ELMOD1: variants seen among roughly 807,000 people sequenced by gnomAD.
ELMOD1 encodes ELMO domain containing 1, also known as ELMO domain-containing protein 1.
Under a neutral mutation model 46.7 loss-of-function variants are expected in ELMOD1, and 21 were observed. The ratio of observed to expected loss-of-function variants is 0.45; its 90% confidence interval spans 0.32 to 0.65. The LOEUF is 0.65. Ranked by LOEUF, ELMOD1 falls within the 30% of genes least tolerant of loss-of-function variation. The probability of loss-of-function intolerance (pLI) is 0.04; values close to 1 mark genes in which losing one functional copy is unlikely to be tolerated. For missense variants in ELMOD1, 348 were observed against 407.8 expected (o/e 0.85, Z 1.26); for synonymous variants, 122 against 138.2 (o/e 0.88, Z 0.82).
At chr11:107,658,436 C>T (rs573814832) in intron 11 of ELMOD1, among the ~76,000 whole-genome samples, 26 of 152,220 alleles carry the variant, frequency 1.7e-4, no homozygotes, top group Admixed American at 4.6e-4. Context: ...TATATTCACT[C>T]CTATAAAAAT....
intron 1 of ELMOD1, chr11:107,591,999 C>T (rs1270239757): frequency 3.9e-6 from 2 of 513,252 alleles, no homozygotes; most frequent in South Asian, 1.5e-5. Flanking sequence ...CTTTCCCGGG[C>T]AGGTAGAATT....
chr11:107,656,107 G>A (rs370781800), intron 11 of ELMOD1, 41 bp downstream of exon 11: 74 of 1,545,340 alleles, frequency 4.8e-5, no homozygotes, highest in Admixed American at 7.9e-5. Context: ...AGGTTTCTAC[G>A]CTGGGCACGG....
intron 11 of ELMOD1, among the ~76,000 whole-genome samples, chr11:107,660,594 C>T (rs524611): frequency 0.24 from 36,725 of 152,164 alleles, 8,938 homozygotes; most frequent in African/African-American, 0.62. Flanking sequence ...AGCCTATTGC[C>T]GTGGTGAAAA....
At chr11:107,618,028 T>A in intron 1 of ELMOD1, 77 bp from the exon 2 acceptor site, 1 of 722,728 alleles carries the variant, frequency 1.4e-6, no homozygotes, top group South Asian at 1.7e-5. Context: ...ACTGCTTGCC[T>A]CAGTAAGCAG....
intron 5 of ELMOD1, among the ~76,000 whole-genome samples, chr11:107,633,163 G>A (rs11828020): frequency 0.019 from 2,957 of 152,212 alleles, 88 homozygotes; most frequent in African/African-American, 0.065. Context: ...CTGGTCCCAA[G>A]CATGTCAGAT....
intron 1 of ELMOD1, among the ~76,000 whole-genome samples, chr11:107,602,519 C>A (rs1035678844): frequency 6.6e-6 from 1 of 152,082 alleles, no homozygotes; most frequent in African/African-American, 2.4e-5. Context: ...GGCAGATTCC[C>A]TCAAATTTGA....
rs1866829253 is a variant in ELMOD1 at position 107,665,649 on chromosome 11, A to G, written c.*452A>G. Reference sequence around the variant, plus strand: ...GTTCATGCTTGGACCTCATTCTGATAAAGTATAAGACTTTAAAATAATACA... The same window carrying G: ...GTTCATGCTTGGACCTCATTCTGATGAAGTATAAGACTTTAAAATAATACA... On this transcript the variant is annotated 3_prime_UTR_variant, in exon 12 of 12. Transcript: ENST00000265840. 1 of 157,324 alleles carries G rather than the reference A, an allele frequency of 6.4e-6. No individual in the cohort carries two copies. Among genetic ancestry groups the G allele is most frequent in the African/African-American group, 2.4e-5 (1 of 41,456 alleles). 9.7% of individuals were successfully genotyped at this position (157,324 alleles called of 1,614,324 possible).
intron 6 of ELMOD1, among the ~76,000 whole-genome samples, chr11:107,640,383 C>T (rs918514277): frequency 5.3e-5 from 8 of 152,116 alleles, no homozygotes; most frequent in East Asian, 1.9e-4. Context: ...TGCATAATTT[C>T]GAAGTCAACA....
At chr11:107,633,053 G>A (rs1383406911) in intron 5 of ELMOD1, among the ~76,000 whole-genome samples, 1 of 152,152 alleles carries the variant, frequency 6.6e-6, no homozygotes, top group African/African-American at 2.4e-5. Context: ...ATGTGTATAA[G>A]TTGTATATGA....
At position 107,609,951 on chromosome 11, in the gene ELMOD1, T is replaced by C. The variant is rs944248513; in HGVS notation, c.-85-8154T>C. 2.6e-5 allele frequency among the ~76,000 whole-genome samples: 4 copies of C among 152,304 alleles called. No individual in the cohort carries two copies. The East Asian group carries it at 5.8e-4, about 22-fold the overall frequency. On this transcript the variant is annotated intron_variant, in intron 1 of 11. Coordinates refer to ENST00000265840, the MANE Select transcript of ELMOD1 (RefSeq NM_018712.4). ...ATCTACAGATTTGTTTTCTTCCAAT[T>C]GGGAGATTTGCAGTTTGTTTTATTA...
chr11:107,648,933 C>T (rs1419052880), intron 7 of ELMOD1, among the ~76,000 whole-genome samples: 1 of 151,878 alleles, frequency 6.6e-6, no homozygotes, highest in Non-Finnish European at 1.5e-5. Context: ...TTCTTGTGTC[C>T]TTTGACACTA....
intron 6 of ELMOD1, 84 bp from the exon 7 acceptor site, chr11:107,647,384 C>T (rs1355068527): frequency 2.3e-6 from 3 of 1,315,894 alleles, no homozygotes; most frequent in Non-Finnish European, 3.1e-6. Flanking sequence ...CTTTGCAAAG[C>T]TCCTCCTAAT....
chr11:107,641,935 T>C (rs1316194121), intron 6 of ELMOD1, among the ~76,000 whole-genome samples: 1 of 146,050 alleles, frequency 6.8e-6, no homozygotes, highest in Non-Finnish European at 1.5e-5. Context: ...TGTATGAGCT[T>C]ACTCTTTTTT....
At chr11:107,621,104 TA>T (rs1865939868) in intron 2 of ELMOD1, among the ~76,000 whole-genome samples, 1 of 152,260 alleles carries the variant, frequency 6.6e-6, no homozygotes, top group African/African-American at 2.4e-5. Context: ...ATTGAGGTTA[TA>T]TTTTTTAAAG....
At chr11:107,648,285 T>C (rs541244840) in intron 7 of ELMOD1, among the ~76,000 whole-genome samples, 2 of 152,346 alleles carry the variant, frequency 1.3e-5, no homozygotes, top group South Asian at 4.1e-4. Context: ...CCCTCCTCCA[T>C]GTCATTACCT....
intron 1 of ELMOD1, among the ~76,000 whole-genome samples, chr11:107,596,271 A>G (rs961509455): frequency 9.2e-5 from 14 of 152,088 alleles, no homozygotes; most frequent in African/African-American, 1.9e-4. Context: ...TAATTTATTT[A>G]TCTCACAGCT....
chr11:107,602,406 A>AT (rs1402431619), intron 1 of ELMOD1, among the ~76,000 whole-genome samples: 1 of 152,002 alleles, frequency 6.6e-6, no homozygotes, highest in Non-Finnish European at 1.5e-5. Flanking sequence ...TTCTTTGATA[A>AT]TTTCTTCACC....
chr11:107,625,463 T>G (rs1003086054), intron 2 of ELMOD1: 26 of 985,272 alleles, frequency 2.6e-5, no homozygotes, highest in Non-Finnish European at 3.0e-5. Context: ...TAAGCCACTT[T>G]TCTCTTACTG....
intron 1 of ELMOD1, among the ~76,000 whole-genome samples, chr11:107,615,498 G>T (rs1242940814): frequency 6.6e-6 from 1 of 151,916 alleles, no homozygotes; most frequent in East Asian, 1.9e-4. Flanking sequence ...CTCCCAAAGT[G>T]CTGGGATTAC....
Sources: allele counts gnomAD v4.1 joint callset (sites outside exome capture counted in the v4.1 genomes callset), GRCh38; gene constraint gnomAD v4.1.1; transcripts MANE v1.5; gene names NCBI Gene and HGNC (gene_info 2026-07-23, HGNC 2026-07-21).